KLHL20: variants seen among roughly 807,000 people sequenced by gnomAD.
The protein encoded by KLHL20 is kelch like family member 20.
A neutral mutation model predicts 69.5 loss-of-function variants in KLHL20; 29 were observed. The ratio of observed to expected loss-of-function variants is 0.42; its 90% CI spans 0.31 to 0.57. KLHL20 has a LOEUF of 0.57. Among genes scored for constraint, KLHL20 ranks in the 20% least tolerant of loss-of-function variants. The pLI, the probability that KLHL20 is intolerant of heterozygous loss-of-function variation, is 0.18. For synonymous variants in KLHL20, 253 were observed against 265.2 expected (o/e 0.95, Z 0.45); for missense variants, 419 against 776.0 (o/e 0.54, Z 5.47).
intron 7 of KLHL20, 37 bp from the exon 8 acceptor site, chr1:173,766,109 T>A (rs1647687847): frequency 1.3e-6 from 2 of 1,505,298 alleles, no homozygotes; most frequent in African/African-American, 2.9e-5. Context: ...GCTTCCTTTG[T>A]GTAATACAAA....
rs537256357 is a variant in KLHL20 at position 173,783,918 on chromosome 1, GAACAAC to G, written c.1746-1236_1746-1231del. On this transcript the variant is annotated intron_variant, in intron 11 of 11. Transcript: ENST00000209884. ...CTCCGAGCCCTGGGGATACAAAACT[GAACAAC>G]AACAACAAAAATTCCTGCCAAGCGC... Among the ~76,000 whole-genome samples, 47 of 149,798 alleles carry G rather than the reference GAACAAC, an allele frequency of 3.1e-4. 1 individual carries two copies. The highest frequency in any genetic ancestry group is 5.5e-4 in the Non-Finnish European group (37 of 67,542).
intron 7 of KLHL20, among the ~76,000 whole-genome samples, chr1:173,762,215 T>C (rs534791240): frequency 1.3e-5 from 2 of 152,086 alleles, no homozygotes; most frequent in African/African-American, 4.8e-5. Flanking sequence ...AGCAGCAAGA[T>C]TGAAGTGGTA....
chr1:173,753,853 A>G (rs551266278), intron 5 of KLHL20, among the ~76,000 whole-genome samples: 17 of 151,510 alleles, frequency 1.1e-4, no homozygotes, highest in Middle Eastern at 3.4e-3. Flanking sequence ...AAAGGGGGGG[A>G]AAAAAGCAAC....
intron 3 of KLHL20, among the ~76,000 whole-genome samples, chr1:173,739,476 G>T (rs376851486): frequency 2.0e-5 from 3 of 151,868 alleles, no homozygotes; most frequent in African/African-American, 7.3e-5. Context: ...TCTCACTGTT[G>T]TTATTGGTCT....
intron 8 of KLHL20, among the ~76,000 whole-genome samples, chr1:173,772,224 G>C (rs1648140631): frequency 6.6e-6 from 1 of 152,166 alleles, no homozygotes; most frequent in South Asian, 2.1e-4. Context: ...CTGATTCCAG[G>C]TTTAGAACAG....
intron 2 of KLHL20, among the ~76,000 whole-genome samples, chr1:173,717,410 G>A (rs934166707): frequency 2.6e-5 from 4 of 152,052 alleles, no homozygotes; most frequent in African/African-American, 7.3e-5. Flanking sequence ...GTTAAGCTAC[G>A]GCTCTTTCTT....
intron 7 of KLHL20, among the ~76,000 whole-genome samples, chr1:173,757,455 T>C (rs1362662927): frequency 6.6e-6 from 1 of 152,044 alleles, no homozygotes; most frequent in East Asian, 1.9e-4. Flanking sequence ...TCTCCTTACA[T>C]ATATGCATGC....
intron 7 of KLHL20, among the ~76,000 whole-genome samples, chr1:173,763,079 A>G (rs1647424259): frequency 6.6e-6 from 1 of 152,194 alleles, no homozygotes; most frequent in African/African-American, 2.4e-5. Context: ...CTATACACCA[A>G]CAGCAACCAA....
At chr1:173,764,611 G>T (rs1001822069) in intron 7 of KLHL20, among the ~76,000 whole-genome samples, 1 of 152,140 alleles carries the variant, frequency 6.6e-6, no homozygotes. Flanking sequence ...TATTCTAAGC[G>T]ATGTAACTCA....
chr1:173,753,612 AT>A lies in KLHL20; in HGVS notation c.851+315del, dbSNP rs951557002. Among the ~76,000 whole-genome samples, 31 of 150,280 alleles carry A rather than the reference AT, an allele frequency of 2.1e-4. 2 individuals carry two copies. The highest frequency in any genetic ancestry group is 7.8e-4 in the East Asian group (4 of 5,150). On this transcript the variant is annotated intron_variant, in intron 5 of 11. Coordinates refer to ENST00000209884, the MANE Select transcript of KLHL20 (RefSeq NM_014458.4). ...TTTAAAGAGTCAATTCTCTGCTAATATTTTTTTTTTCCTTGAGATAATTAAA... is the reference window on the plus strand; with the variant it reads ...TTTAAAGAGTCAATTCTCTGCTAATATTTTTTTTTCCTTGAGATAATTAAA...
chr1:173,760,646 C>T (rs1673758122), intron 7 of KLHL20, among the ~76,000 whole-genome samples: 2 of 152,142 alleles, frequency 1.3e-5, no homozygotes, highest in East Asian at 1.9e-4. Context: ...AAAGATAAGC[C>T]GTTTTCAGAC....
chr1:173,773,733 G>T (rs915438499), intron 8 of KLHL20, among the ~76,000 whole-genome samples: 10 of 152,130 alleles, frequency 6.6e-5, no homozygotes, highest in African/African-American at 2.2e-4. Flanking sequence ...TGTGTTGCCA[G>T]CCGGGCACGG....
intron 10 of KLHL20, among the ~76,000 whole-genome samples, chr1:173,780,516 C>T (rs1404384293): frequency 2.0e-5 from 3 of 152,074 alleles, no homozygotes; most frequent in African/African-American, 7.2e-5. Context: ...TGCGGTGGCT[C>T]ATGCCTGTAA....
chr1:173,720,683 G>C (rs1438596731), intron 2 of KLHL20, among the ~76,000 whole-genome samples: 1 of 152,136 alleles, frequency 6.6e-6, no homozygotes, highest in Admixed American at 6.5e-5. Context: ...GTTGAGAGAA[G>C]TAGATGGAAT....
intron 3 of KLHL20, among the ~76,000 whole-genome samples, chr1:173,737,489 C>A (rs1026234594): frequency 3.3e-5 from 5 of 152,292 alleles, no homozygotes; most frequent in African/African-American, 1.2e-4. Flanking sequence ...GTCCTTTCCC[C>A]ACATTATGTT....
chr1:173,735,561 A>G (rs1359312367), intron 3 of KLHL20, among the ~76,000 whole-genome samples: 3 of 152,114 alleles, frequency 2.0e-5, no homozygotes, highest in Non-Finnish European at 4.4e-5. Context: ...AAAAAATCAT[A>G]TTTTTATTTA....
chr1:173,777,993 C>T (rs1648585125), intron 10 of KLHL20, among the ~76,000 whole-genome samples: 1 of 152,058 alleles, frequency 6.6e-6, no homozygotes. Context: ...AGTATTAATT[C>T]TTCTTTAAAT....
chr1:173,779,406 A>C (rs994196187), intron 10 of KLHL20, among the ~76,000 whole-genome samples: 4 of 144,352 alleles, frequency 2.8e-5, no homozygotes, highest in African/African-American at 1.0e-4. Flanking sequence ...ACTGGAGTGC[A>C]GTGGTGCAAT....
chr1:173,757,784 T>C (rs1673618204), intron 7 of KLHL20, among the ~76,000 whole-genome samples: 2 of 152,230 alleles, frequency 1.3e-5, no homozygotes, highest in South Asian at 4.1e-4. Flanking sequence ...CTTGTTCCTT[T>C]GCCCTTCCAT....
Sources: gnomAD v4.1 joint callset for allele counts (sites outside exome capture counted in the v4.1 genomes callset) on GRCh38, gnomAD v4.1.1 for gene constraint, MANE v1.5 for transcripts, NCBI Gene and HGNC (gene_info 2026-07-23, HGNC 2026-07-21) for gene names.